Variants in CACNA1C observed in about 807,000 individuals in gnomAD.
The protein encoded by CACNA1C is voltage-dependent L-type calcium channel subunit alpha-1C.
A neutral mutation model predicts 229.0 loss-of-function variants in CACNA1C; 30 were observed. That is an observed-to-expected ratio of 0.13 (90% CI 0.10 to 0.18). The LOEUF (loss-of-function observed/expected upper bound fraction) is 0.18. CACNA1C is among the 10% of genes least tolerant of loss of function. The pLI, the probability that CACNA1C is intolerant of heterozygous loss-of-function variation, is 1.00. For synonymous variants in CACNA1C, 1,114 were observed against 1,132.5 expected (o/e 0.98, Z 0.33); for missense variants, 1,658 against 2,845.0 (o/e 0.58, Z 9.49).
intron 3 of CACNA1C, among the ~76,000 whole-genome samples, chr12:2,259,007 C>T (rs561220485): frequency 6.6e-6 from 1 of 152,204 alleles, no homozygotes; most frequent in African/African-American, 2.4e-5. Context: ...CTAGTGAGTT[C>T]AGCATGATTC....
intron 3 of CACNA1C, 92 bp downstream of exon 3, chr12:2,120,522 G>A: frequency 2.4e-6 from 2 of 819,624 alleles, no homozygotes; most frequent in Non-Finnish European, 4.3e-6. Context: ...AGAGAAGTGA[G>A]ACGTGTGTTT....
chr12:2,690,708 A>C (rs911903169), intron 46 of CACNA1C, 192 bp from the exon 47 acceptor site: 24 of 583,732 alleles, frequency 4.1e-5, no homozygotes, highest in Non-Finnish European at 6.5e-5. Context: ...CACATCCCTA[A>C]TTCTGGCAGA....
intron 2 of CACNA1C, among the ~76,000 whole-genome samples, chr12:2,115,872 G>A (rs1023830269): frequency 6.6e-6 from 1 of 152,240 alleles, no homozygotes; most frequent in Non-Finnish European, 1.5e-5. Context: ...ATCATCTCCT[G>A]TAGCTGAGCT....
intron 3 of CACNA1C, among the ~76,000 whole-genome samples, chr12:2,267,224 C>T (rs550609588): frequency 7.9e-5 from 12 of 152,130 alleles, no homozygotes; most frequent in Non-Finnish European, 1.8e-4. Context: ...GCAAGGAGAA[C>T]CCGGGAAATT....
At chr12:2,098,346 T>A (rs1041279439) in intron 1 of CACNA1C, among the ~76,000 whole-genome samples, 7 of 152,264 alleles carry the variant, frequency 4.6e-5, no homozygotes, top group African/African-American at 1.7e-4. Context: ...AGCATTGTTA[T>A]TAAACGGCCT....
At chr12:2,113,275 C>A (rs1386232252) in intron 1 of CACNA1C, among the ~76,000 whole-genome samples, 3 of 152,178 alleles carry the variant, frequency 2.0e-5, no homozygotes, top group Non-Finnish European at 4.4e-5. Context: ...TAAGCCAGGT[C>A]ATGTGCTCTT....
At chr12:2,004,486 T>G in intron 1 of CACNA1C, 1 of 1,539,182 alleles carries the variant, frequency 6.5e-7, no homozygotes, top group Non-Finnish European at 8.8e-7. Flanking sequence ...TCTCAATAGA[T>G]CGCAGAACGA....
At chr12:2,425,272 A>G (rs1026458746) in intron 3 of CACNA1C, among the ~76,000 whole-genome samples, 1 of 152,270 alleles carries the variant, frequency 6.6e-6, no homozygotes, top group Non-Finnish European at 1.5e-5. Flanking sequence ...GTTGTTAAGC[A>G]AAAATAGGGA....
At chr12:2,171,116 G>A (rs552335840) in intron 3 of CACNA1C, among the ~76,000 whole-genome samples, 1 of 152,330 alleles carries the variant, frequency 6.6e-6, no homozygotes, top group East Asian at 1.9e-4. Context: ...TAGGTGAGGT[G>A]GACTCGGGTC....
chr12:2,320,808 A>G (rs2095948138), intron 3 of CACNA1C, among the ~76,000 whole-genome samples: 1 of 152,218 alleles, frequency 6.6e-6, no homozygotes, highest in Admixed American at 6.5e-5. Flanking sequence ...ATTCAGGCCA[A>G]GGCAGCTAGG....
Position 2,654,826 on chromosome 12 carries a change from A to G in CACNA1C, c.4141-321A>G, listed in dbSNP as rs3794292. Reference sequence around the variant, plus strand: ...CAGAACTGAAATAGCAAAGAAAATAACGCAGTGCGTCCTGTGTCCTGTCAG... The same window carrying G: ...CAGAACTGAAATAGCAAAGAAAATAGCGCAGTGCGTCCTGTGTCCTGTCAG... On this transcript the variant is annotated intron_variant, in intron 33 of 46. Coordinates refer to ENST00000399655, the MANE Select transcript of CACNA1C (RefSeq NM_000719.7). This position sits in a 1 kb window ranked among gnomAD's most constrained non-coding sequence, Gnocchi z 4.4. Among the ~76,000 whole-genome samples the G allele has an allele frequency of 0.073, 11,044 of 152,272 alleles. 466 individuals are homozygous for G. The highest frequency in any genetic ancestry group is 0.12 in the Middle Eastern group (35 of 294).
intron 1 of CACNA1C, among the ~76,000 whole-genome samples, chr12:2,104,332 T>A (rs1311949352): frequency 1.3e-5 from 2 of 152,132 alleles, no homozygotes; most frequent in African/African-American, 4.8e-5. Context: ...TTCTCTTTGT[T>A]GCAGTTGTGA....
chr12:2,566,616 T>C lies in CACNA1C; in HGVS notation c.1669+34T>C. 1.3e-6 allele frequency: 2 copies of C among 1,553,774 alleles called. No individual in the cohort carries two copies. The highest frequency in any genetic ancestry group is 2.4e-5 in the East Asian group (1 of 41,926). On this transcript the variant is annotated intron_variant, in intron 12 of 46. Coordinates refer to ENST00000399655, the MANE Select transcript of CACNA1C (RefSeq NM_000719.7). The surrounding 1 kb of genome is among the most constrained non-coding windows in gnomAD (Gnocchi z 4.0). ...CGGCCCCAGCTCTGCTCTGGTTTCC[T>C]CCTGGTAACTCAGCCCCAAGGCCCA...
At chr12:2,024,823 G>A (rs79285863) in intron 1 of CACNA1C, among the ~76,000 whole-genome samples, 4,426 of 152,250 alleles carry the variant, frequency 0.029, 150 homozygotes, top group South Asian at 0.16. Context: ...AACAAACCAC[G>A]AAGACCAAAG....
Position 2,275,950 on chromosome 12 carries a change from C to T in CACNA1C, c.477+155520C>T, listed in dbSNP as rs548190691. Reference sequence around the variant, plus strand: ...TCTGTGGGGAGACTGATTCCTGGACCCCTCTCAGATACAAAACCCAAGGAT... The same window carrying T: ...TCTGTGGGGAGACTGATTCCTGGACTCCTCTCAGATACAAAACCCAAGGAT... On this transcript the variant is annotated intron_variant, in intron 3 of 46. Transcript: ENST00000399655. This position sits in a 1 kb window ranked among gnomAD's most constrained non-coding sequence, Gnocchi z 4.1. Among the ~76,000 whole-genome samples, 6 of 152,180 alleles carry T rather than the reference C, an allele frequency of 3.9e-5. No homozygotes were observed.
intron 3 of CACNA1C, among the ~76,000 whole-genome samples, chr12:2,273,320 A>AG (rs1346560818): frequency 7.6e-4 from 115 of 152,264 alleles, no homozygotes; most frequent in African/African-American, 2.7e-3. Flanking sequence ...TATTTTTATT[A>AG]AAAATTTTCT....
chr12:2,586,406 T>G (rs1250736488), intron 18 of CACNA1C, among the ~76,000 whole-genome samples: 1 of 152,168 alleles, frequency 6.6e-6, no homozygotes, highest in African/African-American at 2.4e-5. Context: ...GACTCCATCT[T>G]TTTATGCTTC....
At chr12:2,224,951 C>T (rs966650429) in intron 3 of CACNA1C, among the ~76,000 whole-genome samples, 4 of 152,114 alleles carry the variant, frequency 2.6e-5, no homozygotes, top group Admixed American at 6.5e-5. Flanking sequence ...TTTTGTCACA[C>T]CCAAATTTTT....
intron 2 of CACNA1C, among the ~76,000 whole-genome samples, chr12:2,116,491 G>C (rs1596300511): frequency 6.6e-6 from 1 of 151,584 alleles, no homozygotes; most frequent in Non-Finnish European, 1.5e-5. Flanking sequence ...TCAGCCTCCT[G>C]TATAGCCGGG....
Sources: allele counts gnomAD v4.1 joint callset (sites outside exome capture counted in the v4.1 genomes callset), GRCh38; gene constraint gnomAD v4.1.1; non-coding constraint Gnocchi (gnomAD v3.1); transcripts MANE v1.5; gene names NCBI Gene and HGNC (gene_info 2026-07-23, HGNC 2026-07-21).